ACOXL: variants seen among roughly 807,000 people sequenced by gnomAD.
ACOXL encodes acyl-coenzyme A oxidase-like protein.
In ACOXL, 70 loss-of-function variants were observed where a neutral mutation model predicts 71.9. That is an observed-to-expected ratio of 0.97 (90% CI 0.80 to 1.19). The LOEUF is 1.19. Ranked by LOEUF, ACOXL falls within the 50% of genes most tolerant of loss-of-function variation. The pLI, the probability that ACOXL is intolerant of heterozygous loss-of-function variation, is 0.00. For synonymous variants in ACOXL, 253 were observed against 281.6 expected (o/e 0.90, Z 1.02); for missense variants, 703 against 736.3 (o/e 0.95, Z 0.52).
intron 16 of ACOXL, among the ~76,000 whole-genome samples, chr2:111,086,419 TAATA>T (rs1218057313): frequency 1.3e-5 from 2 of 152,144 alleles, no homozygotes; most frequent in African/African-American, 4.8e-5. Flanking sequence ...ATACACAAGT[TAATA>T]AATGTGATTC....
In ACOXL at chr2:110,791,585, T is replaced by C. The variant is rs539880450; in HGVS notation, c.160-2065T>C. Reference sequence around the variant, plus strand: ...CAATTTGCAGTGCCTGCGATGATTCTGTAGAGAAGTGAGCTGAGTCTTCAG... The same window carrying C: ...CAATTTGCAGTGCCTGCGATGATTCCGTAGAGAAGTGAGCTGAGTCTTCAG... On this transcript the variant is annotated intron_variant, in intron 3 of 17. Coordinates refer to ENST00000439055, the MANE Select transcript of ACOXL (RefSeq NM_001142807.4). Among the ~76,000 whole-genome samples the C allele has an allele frequency of 5.3e-5, 8 of 152,374 alleles. No homozygotes were observed. The South Asian group carries it at 1.2e-3, about 24-fold the overall frequency.
At chr2:110,831,909 T>C (rs1385034040) in intron 9 of ACOXL, among the ~76,000 whole-genome samples, 1 of 152,084 alleles carries the variant, frequency 6.6e-6, no homozygotes, top group Non-Finnish European at 1.5e-5. Flanking sequence ...GTCTTACACC[T>C]TATATAAAAA....
intron 16 of ACOXL, among the ~76,000 whole-genome samples, chr2:111,086,857 C>T (rs891942881): frequency 2.6e-5 from 4 of 152,268 alleles, no homozygotes; most frequent in Admixed American, 6.5e-5. Flanking sequence ...GGGAGGAAGT[C>T]AAACTATTCC....
chr2:110,845,847 G>A (rs1285244992), intron 10 of ACOXL, among the ~76,000 whole-genome samples: 1 of 152,144 alleles, frequency 6.6e-6, no homozygotes, highest in African/African-American at 2.4e-5. Context: ...AGACACTTGG[G>A]TCGCTTCCAC....
chr2:110,930,899 A>G (rs2060457092), intron 11 of ACOXL, among the ~76,000 whole-genome samples: 1 of 152,148 alleles, frequency 6.6e-6, no homozygotes, highest in African/African-American at 2.4e-5. Context: ...TTTTTGCTTT[A>G]TAAATTACCC....
intron 2 of ACOXL, among the ~76,000 whole-genome samples, chr2:110,779,080 G>A (rs1683013589): frequency 6.6e-6 from 1 of 152,184 alleles, no homozygotes; most frequent in Admixed American, 6.5e-5. Context: ...CAATAATTTG[G>A]AAAATCCTAC....
At position 110,929,019 on chromosome 2, in the gene ACOXL, G is replaced by A. The variant is rs545172940; in HGVS notation, c.906-4470G>A. On this transcript the variant is annotated intron_variant, in intron 11 of 17. Transcript: ENST00000439055. ...TAGCCTTGGGTATGTCTTTATCAGCGGCATGAAACGGACTAATAGAGTAAA... is the reference window on the plus strand; with the variant it reads ...TAGCCTTGGGTATGTCTTTATCAGCAGCATGAAACGGACTAATAGAGTAAA... 4.6e-5 allele frequency among the ~76,000 whole-genome samples: 7 copies of A among 152,208 alleles called. No homozygotes were observed. In the South Asian group the frequency reaches 6.2e-4, roughly 14 times the overall value.
At chr2:110,898,856 A>G (rs1315772314) in intron 10 of ACOXL, among the ~76,000 whole-genome samples, 1 of 152,238 alleles carries the variant, frequency 6.6e-6, no homozygotes, top group Non-Finnish European at 1.5e-5. Flanking sequence ...TATCTACAAA[A>G]AAATCCTAGA....
intron 15 of ACOXL, among the ~76,000 whole-genome samples, chr2:111,042,599 GTGTT>G (rs895184857): frequency 7.9e-5 from 12 of 152,358 alleles, no homozygotes; most frequent in African/African-American, 2.9e-4. Flanking sequence ...CAGGAGGAAG[GTGTT>G]TGGGAGAAAG....
At chr2:110,886,353 T>C (rs2149120003) in intron 10 of ACOXL, among the ~76,000 whole-genome samples, 1 of 151,898 alleles carries the variant, frequency 6.6e-6, no homozygotes, top group South Asian at 2.1e-4. Context: ...TGGCTTGGAC[T>C]CTGGACTTTA....
intron 2 of ACOXL, among the ~76,000 whole-genome samples, chr2:110,772,208 C>G (rs1023830472): frequency 2.0e-5 from 3 of 152,158 alleles, no homozygotes; most frequent in Non-Finnish European, 4.4e-5. Flanking sequence ...ACCAGGGATT[C>G]AAACCCAGGT....
intron 1 of ACOXL, among the ~76,000 whole-genome samples, chr2:110,733,468 GCT>G (rs1676447998): frequency 6.6e-6 from 1 of 152,164 alleles, no homozygotes; most frequent in Non-Finnish European, 1.5e-5. Flanking sequence ...TCTCCTGTGG[GCT>G]CTCTTTCTCA....
At chr2:110,995,800 A>T (rs938842170) in intron 13 of ACOXL, 93 bp from the exon 14 acceptor site, 4 of 899,756 alleles carry the variant, frequency 4.4e-6, no homozygotes, top group Non-Finnish European at 7.2e-6. Flanking sequence ...ACAGAAAAAA[A>T]TAGTTTTAAA....
intron 2 of ACOXL, among the ~76,000 whole-genome samples, chr2:110,769,156 A>C (rs1205106526): frequency 1.3e-5 from 2 of 152,038 alleles, no homozygotes; most frequent in Non-Finnish European, 2.9e-5. Context: ...TCCAAAGTTT[A>C]TGTCTTATTT....
intron 11 of ACOXL, among the ~76,000 whole-genome samples, chr2:110,915,428 A>ATATATTTTT (rs1315085098): frequency 7.4e-5 from 8 of 108,014 alleles, no homozygotes; most frequent in African/African-American, 2.5e-4. Context: ...ATATATATAT[A>ATATATTTTT]TTTTTTTTTT....
intron 14 of ACOXL, among the ~76,000 whole-genome samples, chr2:111,012,325 T>C (rs112784314): frequency 3.2e-4 from 49 of 152,310 alleles, no homozygotes; most frequent in African/African-American, 1.2e-3. Flanking sequence ...GCACACTTAG[T>C]AGAATATAGT....
chr2:111,086,489 T>TC (rs2068213576), intron 16 of ACOXL, among the ~76,000 whole-genome samples: 1 of 151,922 alleles, frequency 6.6e-6, no homozygotes, highest in Non-Finnish European at 1.5e-5. Context: ...TAGATGCAGA[T>TC]GAAATTCGAT....
intron 9 of ACOXL, among the ~76,000 whole-genome samples, chr2:110,811,052 A>G (rs911184053): frequency 3.9e-5 from 6 of 152,308 alleles, no homozygotes; most frequent in African/African-American, 1.2e-4. Context: ...AATTATCTTC[A>G]CCGGGTCCCT....
chr2:111,010,612 AAAAC>A (rs1292412518), intron 14 of ACOXL, among the ~76,000 whole-genome samples: 2 of 152,158 alleles, frequency 1.3e-5, no homozygotes, highest in Non-Finnish European at 2.9e-5. Flanking sequence ...GAGAGGATGA[AAAAC>A]AAACAAATAT....
Sources: gnomAD v4.1 joint callset for allele counts (sites outside exome capture counted in the v4.1 genomes callset) on GRCh38, gnomAD v4.1.1 for gene constraint, MANE v1.5 for transcripts, NCBI Gene and HGNC (gene_info 2026-07-23, HGNC 2026-07-21) for gene names.